PPFIBP2: variants seen among roughly 807,000 people sequenced by gnomAD.
The protein encoded by PPFIBP2 is PPFIB scaffold protein 2, also known as liprin-beta-2.
PPFIBP2 carries 118 observed loss-of-function variants against 118.3 expected under a neutral mutation model. The observed-to-expected ratio is 1.00, with a 90% CI of 0.86 to 1.16. The LOEUF is 1.16. Among genes scored for constraint, PPFIBP2 ranks in the 50% most tolerant of loss-of-function variants. The pLI is 0.00. For synonymous variants in PPFIBP2, 414 were observed against 397.4 expected, an observed-to-expected ratio of 1.04 and a Z score of -0.50; for missense variants, 1,195 against 1,073.1, an observed-to-expected ratio of 1.11 and a Z score of -1.59.
At chr11:7,565,527 G>A in intron 2 of PPFIBP2, 26 bp from the exon 3 acceptor site, 5 of 1,612,792 alleles carry the variant, frequency 3.1e-6, no homozygotes, top group Non-Finnish European at 4.2e-6. Context: ...CCTTCTTACT[G>A]AGTTTTCACC....
At chr11:7,660,697 G>C (rs995545937), downstream of PPFIBP2, among the ~76,000 whole-genome samples, 1 of 150,840 alleles carries the variant, frequency 6.6e-6, no homozygotes, top group African/African-American at 2.4e-5. Flanking sequence ...TTTTTCTATT[G>C]ATTGGAATAG....
chr11:7,536,961 A>G (rs1851283787), intron 1 of PPFIBP2, among the ~76,000 whole-genome samples: 1 of 152,230 alleles, frequency 6.6e-6, no homozygotes, highest in African/African-American at 2.4e-5. Flanking sequence ...GGGGACCTGA[A>G]GTGGGCAGGT....
intron 5 of PPFIBP2, chr11:7,605,880 T>C: frequency 6.7e-7 from 1 of 1,491,274 alleles, no homozygotes; most frequent in Non-Finnish European, 8.8e-7. Flanking sequence ...GTGACTGTGC[T>C]ACTGAGAAGC....
chr11:7,604,675 C>T (rs139396335), intron 5 of PPFIBP2, among the ~76,000 whole-genome samples: 10 of 152,282 alleles, frequency 6.6e-5, no homozygotes, highest in Middle Eastern at 3.4e-3. Context: ...AAGGTCAAGA[C>T]GGAAGTTTCT....
intron 1 of PPFIBP2, among the ~76,000 whole-genome samples, chr11:7,527,461 T>C (rs986004249): frequency 6.6e-6 from 1 of 151,996 alleles, no homozygotes; most frequent in Non-Finnish European, 1.5e-5. Flanking sequence ...ATCAGTAGGA[T>C]TGTGACAGTA....
At chr11:7,567,796 T>A (rs1167094431) in intron 3 of PPFIBP2, among the ~76,000 whole-genome samples, 1 of 152,254 alleles carries the variant, frequency 6.6e-6, no homozygotes, top group Non-Finnish European at 1.5e-5. Flanking sequence ...TTTTGGTCTG[T>A]GGCTCAGCAG....
intron 1 of PPFIBP2, chr11:7,538,251 G>T (rs1229114723): frequency 6.6e-6 from 1 of 152,546 alleles, no homozygotes; most frequent in East Asian, 1.9e-4. Context: ...TTGGGGTGGT[G>T]TTTCTCTTAA....
intron 1 of PPFIBP2, among the ~76,000 whole-genome samples, chr11:7,540,765 G>A (rs941942575): frequency 6.6e-6 from 1 of 152,098 alleles, no homozygotes; most frequent in African/African-American, 2.4e-5. Flanking sequence ...TTTCCTTCAG[G>A]ATGAAAAAAG....
chr11:7,664,702 G>A, the PPFIBP2 span, among the ~76,000 whole-genome samples: 45,975 of 151,918 alleles, frequency 0.3, 8,413 homozygotes, highest in Non-Finnish European at 0.41. Flanking sequence ...GCCCTGGAGT[G>A]TGTCCTGGAG....
intron 1 of PPFIBP2, among the ~76,000 whole-genome samples, chr11:7,519,546 T>TA (rs1161304569): frequency 6.6e-6 from 1 of 152,122 alleles, no homozygotes; most frequent in East Asian, 1.9e-4. Flanking sequence ...AAAAGGCGCT[T>TA]AGGGCGGATA....
chr11:7,544,872 G>A (rs918375104), intron 1 of PPFIBP2, among the ~76,000 whole-genome samples: 2 of 151,658 alleles, frequency 1.3e-5, no homozygotes, highest in African/African-American at 4.9e-5. Flanking sequence ...TTGGGTTCTG[G>A]CTCTCTCTGT....
chr11:7,599,880 A>G (rs1861111761), intron 5 of PPFIBP2, among the ~76,000 whole-genome samples: 1 of 146,216 alleles, frequency 6.8e-6, no homozygotes. Context: ...TCCTGACCTC[A>G]TGATCCACCC....
chr11:7,647,281 C>T (rs943299129), intron 17 of PPFIBP2, among the ~76,000 whole-genome samples: 1 of 152,132 alleles, frequency 6.6e-6, no homozygotes, highest in Non-Finnish European at 1.5e-5. Flanking sequence ...GTTGCTCTGT[C>T]GAATCCCCCC....
intron 14 of PPFIBP2, among the ~76,000 whole-genome samples, chr11:7,638,021 A>G (rs890642038): frequency 6.6e-6 from 1 of 152,196 alleles, no homozygotes; most frequent in Non-Finnish European, 1.5e-5. Flanking sequence ...CATATGTCGT[A>G]TATAATAGGG....
chr11:7,666,854 GAGCTCCAGCC>G, the PPFIBP2 span: 3 of 216,722 alleles, frequency 1.4e-5, no homozygotes, highest in South Asian at 8.2e-5. Context: ...GCTTCACTCG[GAGCTCCAGCC>G]CTGCCTCCTA....
At chr11:7,610,574 T>A in intron 6 of PPFIBP2, 152 bp downstream of exon 6, 2 of 1,154,066 alleles carry the variant, frequency 1.7e-6, no homozygotes, top group East Asian at 2.4e-5. Flanking sequence ...TACCAAGTTA[T>A]CAGGTTTTGC....
downstream of PPFIBP2, among the ~76,000 whole-genome samples, chr11:7,660,461 G>A (rs150289795): frequency 1.8e-3 from 262 of 148,744 alleles, no homozygotes; most frequent in African/African-American, 5.7e-3. Flanking sequence ...ATTGATTTGC[G>A]TCTATTAAAC....
chr11:7,535,085 A>T (rs749112399), intron 1 of PPFIBP2, among the ~76,000 whole-genome samples: 1 of 152,180 alleles, frequency 6.6e-6, no homozygotes, highest in Non-Finnish European at 1.5e-5. Context: ...CATTTCCACC[A>T]TCAGATACTG....
At chr11:7,545,191 G>T (rs900340208) in intron 1 of PPFIBP2, among the ~76,000 whole-genome samples, 1 of 152,194 alleles carries the variant, frequency 6.6e-6, no homozygotes, top group Non-Finnish European at 1.5e-5. Flanking sequence ...CACTTTGGGA[G>T]GCCGAGGTGG....
Sources: gnomAD v4.1 joint callset for allele counts (sites outside exome capture counted in the v4.1 genomes callset) on GRCh38, gnomAD v4.1.1 for gene constraint, MANE v1.5 for transcripts, NCBI Gene and HGNC (gene_info 2026-07-23, HGNC 2026-07-21) for gene names.